The following FHIT variants were observed in gnomAD, a reference collection of about 807,000 sequenced individuals.
FHIT encodes bis(5'-adenosyl)-triphosphatase.
A neutral mutation model predicts 17.9 loss-of-function variants in FHIT; 19 were observed. The ratio of observed to expected loss-of-function variants is 1.06; its 90% CI spans 0.74 to 1.56. FHIT has a LOEUF of 1.56. Among genes scored for constraint, FHIT ranks in the 40% most tolerant of loss-of-function variants. The pLI, the probability that FHIT is intolerant of heterozygous loss-of-function variation, is 0.00. For missense variants in FHIT, 248 were observed against 189.2 expected, an observed-to-expected ratio of 1.31 and a Z score of -1.82; for synonymous variants, 81 against 69.7, an observed-to-expected ratio of 1.16 and a Z score of -0.81.
chr3:60,441,796 A>ATT (rs1231842131), intron 5 of FHIT, among the ~76,000 whole-genome samples: 12 of 66,084 alleles, frequency 1.8e-4, no homozygotes, highest in South Asian at 7.9e-4. Context: ...ATATATATAT[A>ATT]TATATATATA....
chr3:60,885,379 A>C (rs1705177721), intron 3 of FHIT, among the ~76,000 whole-genome samples: 1 of 152,212 alleles, frequency 6.6e-6, no homozygotes, highest in Non-Finnish European at 1.5e-5. Flanking sequence ...TTAATAAATT[A>C]AACTTTTGTT....
chr3:60,172,235 C>G (rs1315560889), intron 5 of FHIT, among the ~76,000 whole-genome samples: 1 of 151,882 alleles, frequency 6.6e-6, no homozygotes. Flanking sequence ...AGTAAATAGG[C>G]CTAGAAGAAG....
At chr3:60,392,459 C>T (rs1701270497) in intron 5 of FHIT, among the ~76,000 whole-genome samples, 1 of 152,136 alleles carries the variant, frequency 6.6e-6, no homozygotes. Context: ...GGAAAAAATT[C>T]ACCTTGTTCA....
intron 3 of FHIT, among the ~76,000 whole-genome samples, chr3:60,868,648 A>G (rs1553754375): frequency 6.6e-6 from 1 of 152,188 alleles, no homozygotes; most frequent in African/African-American, 2.4e-5. Flanking sequence ...TTTCTGAATG[A>G]GTAGTAAATG....
chr3:60,677,421 C>G (rs1553695651), intron 4 of FHIT, among the ~76,000 whole-genome samples: 1 of 152,122 alleles, frequency 6.6e-6, no homozygotes, highest in East Asian at 1.9e-4. Context: ...CACTATGTTT[C>G]TGAGTTTTTT....
intron 2 of FHIT, among the ~76,000 whole-genome samples, chr3:61,066,592 G>C (rs767008282): frequency 6.6e-6 from 1 of 152,142 alleles, no homozygotes; most frequent in Non-Finnish European, 1.5e-5. Context: ...TCCAGCCTGG[G>C]CAAGAAGAGC....
chr3:59,879,065 C>A (rs1388814169), intron 8 of FHIT, among the ~76,000 whole-genome samples: 7 of 152,002 alleles, frequency 4.6e-5, no homozygotes, highest in Admixed American at 4.6e-4. Flanking sequence ...GAAGAAAAAT[C>A]TGAGCTTTCT....
intron 5 of FHIT, among the ~76,000 whole-genome samples, chr3:60,318,024 T>C (rs545623911): frequency 6.6e-6 from 1 of 152,168 alleles, no homozygotes; most frequent in Non-Finnish European, 1.5e-5. Flanking sequence ...ACCCCTCACC[T>C]CAAGTGATCC....
At chr3:60,166,006 T>A (rs1225153688) in intron 5 of FHIT, among the ~76,000 whole-genome samples, 1 of 152,148 alleles carries the variant, frequency 6.6e-6, no homozygotes, top group African/African-American at 2.4e-5. Flanking sequence ...CCATAAAAAC[T>A]CACTTTATAA....
chr3:60,837,371 T>G (rs1553744037), intron 3 of FHIT, among the ~76,000 whole-genome samples: 1 of 152,190 alleles, frequency 6.6e-6, no homozygotes, highest in Non-Finnish European at 1.5e-5. Context: ...CTCTTTTCTT[T>G]GTCAGTCTTG....
At chr3:60,063,908 T>A (rs2074010667) in intron 5 of FHIT, among the ~76,000 whole-genome samples, 1 of 152,188 alleles carries the variant, frequency 6.6e-6, no homozygotes, top group African/African-American at 2.4e-5. Flanking sequence ...TTAAGAATAA[T>A]GAGGTAGGTC....
At chr3:60,095,486 T>C (rs991730517) in intron 5 of FHIT, among the ~76,000 whole-genome samples, 2 of 152,206 alleles carry the variant, frequency 1.3e-5, no homozygotes, top group Non-Finnish European at 2.9e-5. Flanking sequence ...AAGCAAACAG[T>C]GAATAAATCC....
intron 5 of FHIT, among the ~76,000 whole-genome samples, chr3:60,161,537 A>G (rs993804455): frequency 1.3e-5 from 2 of 152,150 alleles, no homozygotes; most frequent in Non-Finnish European, 2.9e-5. Flanking sequence ...GTCATCAAGA[A>G]AGAAGACACT....
chr3:60,461,591 C>T (rs1255607803), intron 5 of FHIT, among the ~76,000 whole-genome samples: 1 of 152,188 alleles, frequency 6.6e-6, no homozygotes, highest in Non-Finnish European at 1.5e-5. Context: ...ACGCAGCTGT[C>T]CCTGACATCA....
At chr3:59,963,561 A>G (rs935615567) in intron 7 of FHIT, among the ~76,000 whole-genome samples, 4 of 152,186 alleles carry the variant, frequency 2.6e-5, no homozygotes, top group Non-Finnish European at 5.9e-5. Flanking sequence ...AAAAATGAAC[A>G]TTCACAGAGC....
intron 1 of FHIT, among the ~76,000 whole-genome samples, chr3:61,226,878 G>A (rs1264438650): frequency 6.6e-6 from 1 of 152,132 alleles, no homozygotes; most frequent in Non-Finnish European, 1.5e-5. Flanking sequence ...ACACTGAAAT[G>A]GGTAGAATGC....
chr3:60,697,192 A>G (rs562963855), intron 4 of FHIT, among the ~76,000 whole-genome samples: 104 of 152,312 alleles, frequency 6.8e-4, no homozygotes, highest in African/African-American at 2.5e-3. Flanking sequence ...AGTGATTGCA[A>G]GTACCTAAGC....
At chr3:60,717,280 A>T (rs1376021414) in intron 4 of FHIT, among the ~76,000 whole-genome samples, 3 of 152,128 alleles carry the variant, frequency 2.0e-5, no homozygotes, top group South Asian at 4.1e-4. Flanking sequence ...AATTGGTAAG[A>T]GGTTAGATCT....
chr3:60,220,523 T>A, intron 5 of FHIT, among the ~76,000 whole-genome samples: 1 of 152,360 alleles, frequency 6.6e-6, no homozygotes, highest in Middle Eastern at 3.4e-3. Flanking sequence ...ATGATTTATA[T>A]AATTTCTAAG....
Sources: gnomAD v4.1 joint callset for allele counts (sites outside exome capture counted in the v4.1 genomes callset) on GRCh38, gnomAD v4.1.1 for gene constraint, MANE v1.5 for transcripts, NCBI Gene and HGNC (gene_info 2026-07-23, HGNC 2026-07-21) for gene names.